The following ABR variants were observed in gnomAD, a reference collection of about 807,000 sequenced individuals.
ABR encodes the protein ABR activator of RhoGEF and GTPase.
In ABR, 35 loss-of-function variants were observed where a neutral mutation model predicts 107.2. The ratio of observed to expected loss-of-function variants is 0.33; its 90% CI spans 0.25 to 0.43. The LOEUF is 0.43. ABR is among the 20% of genes least tolerant of loss of function. The probability of loss-of-function intolerance (pLI) is 1.00; values close to 1 mark genes in which losing one functional copy is unlikely to be tolerated. For synonymous variants in ABR, 498 were observed against 462.0 expected (o/e 1.08, Z -1.00); for missense variants, 815 against 1,115.2 (o/e 0.73, Z 3.83).
At chr17:1,186,902 T>C (rs1418430028) in exon 1 of ABR, 1 of 152,372 alleles carries the variant, frequency 6.6e-6, no homozygotes, top group East Asian at 1.9e-4. Flanking sequence ...TCCAATCTCC[T>C]TAGCCCCAAG....
intron 1 of ABR, among the ~76,000 whole-genome samples, chr17:1,162,287 G>C (rs1353811495): frequency 1.3e-5 from 2 of 152,214 alleles, no homozygotes; most frequent in South Asian, 4.1e-4. Context: ...GACATACGTG[G>C]GACAGGCGTT....
chr17:1,111,793 G>C (rs1021150056), intron 2 of ABR, among the ~76,000 whole-genome samples: 5 of 152,098 alleles, frequency 3.3e-5, no homozygotes, highest in Non-Finnish European at 7.4e-5. Flanking sequence ...TCCCTTCCAG[G>C]CCAGTGGTGG....
At chr17:1,140,825 C>T (rs561585467) in intron 1 of ABR, among the ~76,000 whole-genome samples, 1 of 152,102 alleles carries the variant, frequency 6.6e-6, no homozygotes, top group East Asian at 1.9e-4. Context: ...TCAAGTGATC[C>T]GCCCACCTCG....
At chr17:1,126,933 C>T (rs2039629183) in intron 1 of ABR, among the ~76,000 whole-genome samples, 2 of 152,202 alleles carry the variant, frequency 1.3e-5, no homozygotes, top group African/African-American at 4.8e-5. Flanking sequence ...CAGCCAAGTC[C>T]CAGCCAGCCA....
intron 10 of ABR, 106 bp downstream of exon 10, chr17:1,066,971 C>T: frequency 1.6e-6 from 2 of 1,251,684 alleles, no homozygotes; most frequent in East Asian, 2.5e-5. Context: ...TAACTACACA[C>T]TCAAGGCTCC....
At chr17:1,213,583 G>T (rs2042943560) in intron 1 of ABR, among the ~76,000 whole-genome samples, 1 of 151,986 alleles carries the variant, frequency 6.6e-6, no homozygotes, top group Admixed American at 6.6e-5. Flanking sequence ...AGTAGAGGCG[G>T]GGTTTCACCA....
chr17:1,124,070 C>T (rs2039478015), intron 2 of ABR, among the ~76,000 whole-genome samples: 1 of 152,170 alleles, frequency 6.6e-6, no homozygotes, highest in African/African-American at 2.4e-5. Context: ...TGTGGCTTCC[C>T]CCAAGTGGGA....
At chr17:1,226,649 T>G (rs879582770) in intron 1 of ABR, among the ~76,000 whole-genome samples, 5 of 151,556 alleles carry the variant, frequency 3.3e-5, no homozygotes, top group South Asian at 2.1e-4. Flanking sequence ...AAGGTGTGAA[T>G]GTGTGCATGT....
At chr17:1,133,237 C>T (rs1046390228) in intron 1 of ABR, among the ~76,000 whole-genome samples, 3 of 136,412 alleles carry the variant, frequency 2.2e-5, no homozygotes, top group Non-Finnish European at 3.2e-5. Flanking sequence ...AGCAAAACTC[C>T]GTCTCGAAAA....
intron 2 of ABR, among the ~76,000 whole-genome samples, chr17:1,124,373 G>T (rs145129644): frequency 1.0e-3 from 158 of 152,238 alleles, no homozygotes; most frequent in African/African-American, 3.7e-3. Flanking sequence ...CAAGGATGGG[G>T]CACTCCCACC....
Position 1,058,053 on chromosome 17 carries a change from G to C in ABR, c.1306-8C>G. 6.2e-7 allele frequency: 1 copy of C among 1,606,600 alleles called. No individual in the cohort carries two copies. The highest frequency in any genetic ancestry group is 8.5e-7 in the Non-Finnish European group (1 of 1,175,028). On this transcript the variant is annotated splice_region_variant and splice_polypyrimidine_tract_variant and intron_variant, in intron 11 of 22. Transcript: ENST00000302538. ...CAGTAGGAACAGGTAACTCTGAAGAGAGGAGATAAGCATAAAGTGGGTGAC... is the reference window on the plus strand; with the variant it reads ...CAGTAGGAACAGGTAACTCTGAAGACAGGAGATAAGCATAAAGTGGGTGAC...
intron 1 of ABR, among the ~76,000 whole-genome samples, chr17:1,208,267 C>A (rs897165618): frequency 2.0e-5 from 3 of 152,194 alleles, no homozygotes; most frequent in African/African-American, 7.2e-5. Context: ...AACTGACACA[C>A]AGGAGGCAGC....
chr17:1,117,648 G>A (rs1247159760), intron 2 of ABR, among the ~76,000 whole-genome samples: 16 of 46,396 alleles, frequency 3.4e-4, no homozygotes, highest in East Asian at 1.9e-3. Flanking sequence ...TCCTCCCAGC[G>A]TTATCCCTGA....
At chr17:1,111,554 G>T (rs1023361961) in intron 2 of ABR, among the ~76,000 whole-genome samples, 1 of 151,974 alleles carries the variant, frequency 6.6e-6, no homozygotes, top group East Asian at 1.9e-4. Context: ...TGCTTCAAAG[G>T]CCCCCCCAAA....
intron 2 of ABR, among the ~76,000 whole-genome samples, chr17:1,121,402 A>C (rs2039340994): frequency 6.6e-6 from 1 of 152,202 alleles, no homozygotes; most frequent in South Asian, 2.1e-4. Flanking sequence ...AGCCCTCTAA[A>C]CCTGGCGAGA....
rs140228077 is a variant in ABR at position 1,148,229 on chromosome 17, G to A, written c.62-22862C>T. Among the ~76,000 whole-genome samples the A allele has an allele frequency of 9.8e-5, 15 of 152,336 alleles. No individual in the cohort carries two copies. Among genetic ancestry groups the A allele is most frequent in the African/African-American group, 2.2e-4 (9 of 41,586 alleles). ...GGGTGGATGAATGGATACACAAAACGCGGCCTTTACATAAAACGGATATTA... is the reference window on the plus strand; with the variant it reads ...GGGTGGATGAATGGATACACAAAACACGGCCTTTACATAAAACGGATATTA... On this transcript the variant is annotated intron_variant, in intron 1 of 22. Transcript: ENST00000302538. The surrounding 1 kb of genome is among the most constrained non-coding windows in gnomAD (Gnocchi z 4.9).
chr17:1,062,456 C>A (rs76764821), intron 10 of ABR, among the ~76,000 whole-genome samples: 1 of 108,566 alleles, frequency 9.2e-6, no homozygotes, highest in African/African-American at 3.6e-5. Flanking sequence ...ACTGCTGTTA[C>A]GTGAACTGAG....
At chr17:1,132,377 CTTTTT>C (rs782501170) in intron 1 of ABR, among the ~76,000 whole-genome samples, 7 of 125,730 alleles carry the variant, frequency 5.6e-5, no homozygotes, top group African/African-American at 1.2e-4. Context: ...ACCGAAAGCA[CTTTTT>C]TTTTTTTTTT....
Position 1,179,777 on chromosome 17 carries a change from CA to C in ABR, c.-51del. The C allele has an allele frequency of 1.3e-6, 1 of 795,250 alleles. No homozygotes were observed. The highest frequency in any genetic ancestry group is 1.9e-6 in the Non-Finnish European group (1 of 530,024). The allele number at this position is 795,250 out of a possible 1,614,324, so 49.3% of individuals were successfully genotyped here. On this transcript the variant is annotated 5_prime_UTR_variant, in exon 1 of 23. Transcript: ENST00000302538. This position sits in a 1 kb window ranked among gnomAD's most constrained non-coding sequence, Gnocchi z 4.9. Reference sequence around the variant, plus strand: ...CCGAAACCCGACCCTCATCGCGCAACAAAGGAGGGAGAGCGGGCGGGAGCCG... The same window carrying C: ...CCGAAACCCGACCCTCATCGCGCAACAAGGAGGGAGAGCGGGCGGGAGCCG...
Sources: gnomAD v4.1 joint callset for allele counts (sites outside exome capture counted in the v4.1 genomes callset) on GRCh38, gnomAD v4.1.1 for gene constraint, Gnocchi (gnomAD v3.1) non-coding constraint, MANE v1.5 for transcripts, NCBI Gene and HGNC (gene_info 2026-07-23, HGNC 2026-07-21) for gene names.